The following CPEB2 variants were observed in gnomAD, a reference collection of about 807,000 sequenced individuals.
CPEB2 encodes cytoplasmic polyadenylation element binding protein 2, also known as cytoplasmic polyadenylation element-binding protein 2.
In CPEB2, 56 loss-of-function variants were observed where a neutral mutation model predicts 93.6. The ratio of observed to expected loss-of-function variants is 0.60; its 90% CI spans 0.48 to 0.75. CPEB2 has a LOEUF of 0.75. CPEB2 is among the 30% of genes least tolerant of loss of function. The probability of loss-of-function intolerance (pLI) is 0.00; values close to 1 mark genes in which losing one functional copy is unlikely to be tolerated. For synonymous variants in CPEB2, 764 were observed against 586.3 expected (o/e 1.30, Z -4.38); for missense variants, 1,579 against 1,395.1 (o/e 1.13, Z -2.10).
At chr4:15,061,572 TG>T (rs999020532) in intron 10 of CPEB2, among the ~76,000 whole-genome samples, 5 of 150,648 alleles carry the variant, frequency 3.3e-5, no homozygotes, top group African/African-American at 1.2e-4. Flanking sequence ...GGAGAGGAAT[TG>T]GGGGGAATAC....
intron 4 of CPEB2, among the ~76,000 whole-genome samples, chr4:15,022,748 T>G (rs1228377791): frequency 6.6e-6 from 1 of 152,116 alleles, no homozygotes; most frequent in Non-Finnish European, 1.5e-5. Context: ...ACATGGAATC[T>G]TAATACTTGA....
intron 6 of CPEB2, among the ~76,000 whole-genome samples, chr4:15,042,601 A>C (rs977318627): frequency 6.6e-6 from 1 of 152,238 alleles, no homozygotes; most frequent in Non-Finnish European, 1.5e-5. Context: ...TTAGTAAATT[A>C]TGAACACTAG....
At chr4:15,018,274 A>G (rs1248172494) in intron 4 of CPEB2, among the ~76,000 whole-genome samples, 1 of 151,798 alleles carries the variant, frequency 6.6e-6, no homozygotes, top group Non-Finnish European at 1.5e-5. Context: ...ATGTGGGGCT[A>G]AGTTGATAAT....
chr4:15,016,993 C>T (rs1724226554), intron 3 of CPEB2, among the ~76,000 whole-genome samples, 195 bp from the exon 4 acceptor site: 1 of 151,876 alleles, frequency 6.6e-6, no homozygotes, highest in Non-Finnish European at 1.5e-5. Context: ...GATAAATATA[C>T]TGAAAATAAT....
chr4:15,066,363 C>A lies in CPEB2; in HGVS notation c.3088C>A (p.His1030Asn). The change falls in exon 12 of 12, where the codon CAC becomes AAC. Residue 1030 changes from histidine (H) to asparagine (N), a missense_variant. Physicochemically the swap from His to Asn is moderately conservative, Grantham distance 68. Transcript: ENST00000538197. ...KEGADRPRQI[H>N]FRWN ...AGGTGCTGATCGCCCACGTCAGATC[C>A]ACTTCCGCTGGAACTAAGAATAGCA... 6.2e-7 allele frequency: 1 copy of A among 1,605,652 alleles called. No homozygotes were observed. The highest frequency in any genetic ancestry group is 8.5e-7 in the Non-Finnish European group (1 of 1,175,270).
intron 3 of CPEB2, among the ~76,000 whole-genome samples, chr4:15,012,090 T>G (rs1285058816): frequency 6.6e-6 from 1 of 152,216 alleles, no homozygotes; most frequent in African/African-American, 2.4e-5. Context: ...CAAACCCAAT[T>G]TGTTTATCTG....
chr4:15,063,646 T>C (rs559621367), intron 11 of CPEB2: 2 of 152,228 alleles, frequency 1.3e-5, no homozygotes, highest in African/African-American at 2.4e-5. Context: ...GTTATTTACA[T>C]AGTATGTAAT....
chr4:15,062,289 G>T, intron 11 of CPEB2, 29 bp downstream of exon 11: 1 of 1,566,518 alleles, frequency 6.4e-7, no homozygotes, highest in Non-Finnish European at 8.7e-7. Flanking sequence ...AATCACTTAT[G>T]TCCTATAATA....
chr4:15,006,287 C>T (rs1232661482), intron 1 of CPEB2, among the ~76,000 whole-genome samples: 4 of 152,108 alleles, frequency 2.6e-5, no homozygotes, highest in South Asian at 4.1e-4. Context: ...TTACAAAAAG[C>T]AGGTTCAATT....
chr4:15,024,992 G>A (rs959485005), intron 4 of CPEB2, among the ~76,000 whole-genome samples: 4 of 151,968 alleles, frequency 2.6e-5, no homozygotes, highest in South Asian at 4.2e-4. Flanking sequence ...TGATCTGCCC[G>A]CTTCAGCCTT....
At chr4:15,047,144 C>A (rs1727787363) in intron 6 of CPEB2, among the ~76,000 whole-genome samples, 1 of 152,128 alleles carries the variant, frequency 6.6e-6, no homozygotes, top group Admixed American at 6.5e-5. Flanking sequence ...TGTCTAATAT[C>A]AGTTTTACAG....
Position 15,008,431 on chromosome 4 carries a change from G to C in CPEB2, c.2034+4G>C. ...CGGAACATCCAGAATAGACCAGGTA[G>C]GCTGCACAGTGTATACTTTTTAGGA... On this transcript the variant is annotated splice_donor_region_variant and intron_variant, in intron 3 of 11. Coordinates refer to ENST00000538197, the MANE Select transcript of CPEB2 (RefSeq NM_001177382.2). 6.2e-7 allele frequency: 1 copy of C among 1,602,996 alleles called. No homozygotes were observed. Among genetic ancestry groups the C allele is most frequent in the Middle Eastern group, 1.7e-4 (1 of 5,956 alleles).
rs747673885 is a variant in CPEB2, at chr4:15,007,354, G to T, written c.1712G>T (p.Gly571Val). Residue 571 changes from glycine to valine, a missense_variant, in exon 2 of 12, where the codon GGC becomes GTC. Gly to Val is a moderately radical substitution (Grantham distance 109, BLOSUM62 -3). Coordinates refer to ENST00000538197, the MANE Select transcript of CPEB2 (RefSeq NM_001177382.2). ...AGCAACCATCAGAGCAGTGGCTGGG[G>T]CACTGGAAGTATGTCCTGGGGAGCA... ...PWSNHQSSGW[G>V]TGSMSWGAMH... The T allele has an allele frequency of 1.3e-6, 2 of 1,598,044 alleles. No homozygotes were observed. The highest frequency in any genetic ancestry group is 1.7e-6 in the Non-Finnish European group (2 of 1,169,904).
At chr4:15,020,465 G>T (rs1389774457) in intron 4 of CPEB2, among the ~76,000 whole-genome samples, 1 of 152,104 alleles carries the variant, frequency 6.6e-6, no homozygotes, top group African/African-American at 2.4e-5. Context: ...CTGAGGACTG[G>T]TGATTGTGCT....
chr4:15,052,503 T>G lies in CPEB2; in HGVS notation c.2290T>G (p.Ser764Ala), dbSNP rs571340033. The change falls in exon 7 of 12, where the codon TCA (serine) becomes GCA (alanine). Residue 764 changes from serine (S) to alanine (A), a missense_variant. Transcript: ENST00000538197. ...VGVLNSPTCYSAHQNGERIER... is the reference protein window; with the variant it reads ...VGVLNSPTCYAAHQNGERIER... Reference sequence around the variant, plus strand: ...AGTTTTAAATTCACCCACCTGTTATTCAGCTCACCAAAATGGAGAGCGAAT... The same window carrying G: ...AGTTTTAAATTCACCCACCTGTTATGCAGCTCACCAAAATGGAGAGCGAAT... 1.3e-6 allele frequency: 2 copies of G among 1,598,900 alleles called. No homozygotes were observed. The highest frequency in any genetic ancestry group is 4.5e-5 in the East Asian group (2 of 44,406).
intron 6 of CPEB2, among the ~76,000 whole-genome samples, chr4:15,043,011 A>G (rs146834626): frequency 3.3e-5 from 5 of 152,322 alleles, no homozygotes; most frequent in Non-Finnish European, 2.9e-5. Flanking sequence ...TGCTAAAAAT[A>G]AGTCATGGCT....
At chr4:15,065,163 A>G (rs1442310502) in intron 11 of CPEB2, among the ~76,000 whole-genome samples, 2 of 152,146 alleles carry the variant, frequency 1.3e-5, no homozygotes, top group Non-Finnish European at 2.9e-5. Flanking sequence ...TCTTACAAAT[A>G]ATATTGCGGA....
intron 4 of CPEB2, among the ~76,000 whole-genome samples, chr4:15,024,249 C>T (rs1331330160): frequency 6.6e-6 from 1 of 151,872 alleles, no homozygotes; most frequent in Non-Finnish European, 1.5e-5. Context: ...TGTCCTAATC[C>T]CCATGTCCTT....
At chr4:15,058,727 C>T (rs533628103) in intron 9 of CPEB2, among the ~76,000 whole-genome samples, 188 bp downstream of exon 9, 1 of 152,194 alleles carries the variant, frequency 6.6e-6, no homozygotes, top group Non-Finnish European at 1.5e-5. Flanking sequence ...GGTCCATGAT[C>T]TTTTAGGAAC....
Sources: allele counts gnomAD v4.1 joint callset (sites outside exome capture counted in the v4.1 genomes callset), GRCh38; gene constraint gnomAD v4.1.1; transcripts MANE v1.5; gene names NCBI Gene and HGNC (gene_info 2026-07-23, HGNC 2026-07-21).